The following PIN4 variants were observed in gnomAD, a reference collection of about 807,000 sequenced individuals.
PIN4 encodes peptidyl-prolyl cis-trans isomerase NIMA-interacting 4.
A neutral mutation model predicts 8.3 loss-of-function variants in PIN4; 3 were observed. The ratio of observed to expected loss-of-function variants is 0.36; its 90% CI spans 0.16 to 0.93. PIN4 has a LOEUF of 0.93. Ranked by LOEUF, PIN4 falls within the 40% of genes least tolerant of loss-of-function variation. PIN4 has a pLI of 0.44. For synonymous variants in PIN4, 18 were observed against 32.5 expected (o/e 0.55, Z 1.52); for missense variants, 75 against 100.6 (o/e 0.75, Z 1.09).
rs750979237 is a variant in PIN4, at chrX:72,186,361, G to A, written c.44-100G>A. On this transcript the variant is annotated intron_variant, in intron 1 of 3. Transcript: ENST00000373669. Reference sequence around the variant, plus strand: ...GTCTGGCCGAGTTCCCTTTTGAAGTGTGGCGTTATGATGGAAATATCCACT... The same window carrying A: ...GTCTGGCCGAGTTCCCTTTTGAAGTATGGCGTTATGATGGAAATATCCACT... 1.7e-5 allele frequency: 10 copies of A among 593,857 alleles called. No individual in the cohort carries two copies. The South Asian group carries it at 2.4e-4, about 14-fold the overall frequency. The allele number at this position is 593,857 out of a possible 1,213,427, so 48.9% of individuals were successfully genotyped here. A position where few individuals can be genotyped will look rare whatever the true frequency, so the allele number is the denominator to read the frequency against.
At chrX:72,202,470 A>ACAT (rs1219255350), downstream of PIN4, among the ~76,000 whole-genome samples, 2 of 112,377 alleles carry the variant, frequency 1.8e-5, no homozygotes, top group Non-Finnish European at 3.8e-5. Flanking sequence ...TTTGTTTTCT[A>ACAT]CATCAGGGAA....
At chrX:72,210,202 AAAATAAAT>A (rs58086876) in intron 3 of PIN4, among the ~76,000 whole-genome samples, 10,352 of 97,073 alleles carry the variant, frequency 0.11, 840 homozygotes, top group East Asian at 0.36. Flanking sequence ...TGTCTCTTAA[AAAATAAAT>A]AAATAAATAA....
At chrX:72,239,090 C>G (rs1412625956) in intron 3 of PIN4, 1 of 448,397 alleles carries the variant, frequency 2.2e-6, no homozygotes, top group East Asian at 3.8e-5. Context: ...CAATCCGCGA[C>G]CACGCGCTGC....
intron 3 of PIN4, among the ~76,000 whole-genome samples, chrX:72,255,175 T>C (rs1369796194): frequency 2.8e-5 from 3 of 108,547 alleles, no homozygotes; most frequent in African/African-American, 1.0e-4. Flanking sequence ...TAATAGTCCA[T>C]TGGCGGATCG....
chrX:72,185,013 A>G (rs1274117058), intron 1 of PIN4, among the ~76,000 whole-genome samples: 3 of 108,633 alleles, frequency 2.8e-5, no homozygotes, highest in South Asian at 4.0e-4. Context: ...GCGTGGTGGC[A>G]GGCGCCTGTA....
In PIN4 at chrX:72,198,329, T is replaced by G. The variant is rs2042777007; in HGVS notation, c.*803T>G. ...TACTATACTGCTTCAAAAATAAAAC[T>G]TTGCCAACACAGCTATGTGATTCTT... On this transcript the variant is annotated 3_prime_UTR_variant, in exon 4 of 4. Coordinates refer to ENST00000373669, the MANE Select transcript of PIN4 (RefSeq NM_006223.4). The G allele has an allele frequency of 4.1e-6, 3 of 733,394 alleles. No homozygotes were observed. Among genetic ancestry groups the G allele is most frequent in the South Asian group, 7.0e-5 (1 of 14,330 alleles). The allele number at this position is 733,394 out of a possible 1,213,427, so 60.4% of individuals were successfully genotyped here.
At chrX:72,193,814 A>C (rs923393067) in intron 2 of PIN4, among the ~76,000 whole-genome samples, 3 of 108,703 alleles carry the variant, frequency 2.8e-5, no homozygotes, top group African/African-American at 1.0e-4. Flanking sequence ...CGGAGGTTGC[A>C]GTGAGCTGAG....
At chrX:72,189,373 C>G (rs1279650061) in intron 2 of PIN4, among the ~76,000 whole-genome samples, 1 of 110,947 alleles carries the variant, frequency 9.0e-6, no homozygotes, top group Non-Finnish European at 1.9e-5. Flanking sequence ...CCTCTGCCCT[C>G]TTAACCCATG....
chrX:72,185,318 T>G (rs1388302011), intron 1 of PIN4, among the ~76,000 whole-genome samples: 4 of 109,888 alleles, frequency 3.6e-5, no homozygotes, highest in Non-Finnish European at 5.7e-5. Flanking sequence ...TCCATACAAT[T>G]TCTTACACAT....
chrX:72,196,550 C>T (rs191904457), intron 2 of PIN4, among the ~76,000 whole-genome samples: 35 of 106,843 alleles, frequency 3.3e-4, no homozygotes, highest in East Asian at 1.5e-3. Context: ...AAAAAAAAGG[C>T]GGAGCTTCCC....
intron 3 of PIN4, among the ~76,000 whole-genome samples, chrX:72,218,618 C>T (rs1351692262): frequency 1.8e-5 from 2 of 109,397 alleles, no homozygotes; most frequent in Non-Finnish European, 3.8e-5. Flanking sequence ...CTCAACCTCC[C>T]GAGCAGCTGG....
At chrX:72,217,850 T>C (rs540603601) in intron 3 of PIN4, among the ~76,000 whole-genome samples, 25 of 111,902 alleles carry the variant, frequency 2.2e-4, no homozygotes, top group African/African-American at 8.1e-4. Flanking sequence ...CTTGCTTCTA[T>C]TCCATTGATC....
intron 3 of PIN4, among the ~76,000 whole-genome samples, chrX:72,225,663 C>T (rs151024478): frequency 0.018 from 2,044 of 111,901 alleles, 58 homozygotes; most frequent in African/African-American, 0.063. Context: ...TATCACTAAA[C>T]CCCTTTATGA....
At chrX:72,233,217 C>G (rs1450238831) in intron 3 of PIN4, among the ~76,000 whole-genome samples, 1 of 111,266 alleles carries the variant, frequency 9.0e-6, no homozygotes, top group Non-Finnish European at 1.9e-5. Flanking sequence ...GTATTCATGC[C>G]AAAAATATTG....
intron 3 of PIN4, among the ~76,000 whole-genome samples, chrX:72,214,955 C>G (rs1230453913): frequency 9.0e-6 from 1 of 111,285 alleles, no homozygotes; most frequent in Non-Finnish European, 1.9e-5. Context: ...CCACTGCACT[C>G]CAGCCTGGAT....
intron 3 of PIN4, among the ~76,000 whole-genome samples, chrX:72,258,773 T>C (rs1002346626): frequency 9.0e-6 from 1 of 111,093 alleles, no homozygotes; most frequent in Non-Finnish European, 1.9e-5. Flanking sequence ...ATCACAGGCT[T>C]GATGCAAGGC....
At chrX:72,226,312 A>G (rs921446681) in intron 3 of PIN4, among the ~76,000 whole-genome samples, 2 of 112,084 alleles carry the variant, frequency 1.8e-5, no homozygotes, top group African/African-American at 6.5e-5. Flanking sequence ...CAAGCAGGGT[A>G]TGCTATCATT....
At chrX:72,225,407 TCAACA>T (rs967912766) in intron 3 of PIN4, among the ~76,000 whole-genome samples, 3 of 111,643 alleles carry the variant, frequency 2.7e-5, no homozygotes, top group African/African-American at 9.8e-5. Flanking sequence ...AACATTGTAT[TCAACA>T]CACCACCAGG....
At chrX:72,182,000 C>T (rs1035756688) in intron 1 of PIN4, 172 bp downstream of exon 1, 20 of 462,723 alleles carry the variant, frequency 4.3e-5, no homozygotes, top group Admixed American at 1.7e-4. Context: ...AGGGACCGTC[C>T]TAGTGGGTAA....
Sources: allele counts gnomAD v4.1 joint callset (sites outside exome capture counted in the v4.1 genomes callset), GRCh38; gene constraint gnomAD v4.1.1; transcripts MANE v1.5; gene names NCBI Gene and HGNC (gene_info 2026-07-23, HGNC 2026-07-21).